Variants in RBFOX1 observed in about 807,000 individuals in gnomAD.
RBFOX1 encodes the protein RNA binding fox-1 homolog 1.
Under a neutral mutation model 57.7 loss-of-function variants are expected in RBFOX1, and 8 were observed. The observed-to-expected ratio is 0.14, with a 90% CI of 0.08 to 0.25. The LOEUF (loss-of-function observed/expected upper bound fraction) is 0.25. RBFOX1 is among the 10% of genes least tolerant of loss of function. The pLI is 1.00. For missense variants in RBFOX1, 611 were observed against 548.5 expected, an observed-to-expected ratio of 1.11 and a Z score of -1.14; for synonymous variants, 326 against 222.4, an observed-to-expected ratio of 1.47 and a Z score of -4.15.
At chr16:7,373,133 C>T (rs72771110) in intron 4 of RBFOX1, among the ~76,000 whole-genome samples, 56,835 of 151,686 alleles carry the variant, frequency 0.37, 11,301 homozygotes, top group East Asian at 0.48. Flanking sequence ...GGTGTTTCAC[C>T]GTGTTAGCCA....
intron 2 of RBFOX1, among the ~76,000 whole-genome samples, chr16:6,495,275 T>C (rs1016222369): frequency 1.3e-5 from 2 of 152,192 alleles, no homozygotes; most frequent in African/African-American, 2.4e-5. Flanking sequence ...CCCGCCACCA[T>C]GCCTGGCTAA....
At chr16:6,485,665 G>T (rs1354494435) in intron 2 of RBFOX1, among the ~76,000 whole-genome samples, 1 of 152,100 alleles carries the variant, frequency 6.6e-6, no homozygotes, top group Non-Finnish European at 1.5e-5. Context: ...TTTTAACCAA[G>T]CAACTAGACT....
rs144057199 is a variant in RBFOX1, at chr16:5,630,316, G to A, written c.318+31355G>A. On this transcript the variant is annotated intron_variant, in intron 3 of 19. Transcript: ENST00000641259. ...TACTAAAAATACAAAAATTAGCCAG[G>A]CATTGTGGCACATGTCTGTAATCCC... is the stretch of plus-strand genomic sequence containing the variant. 5.5e-3 allele frequency among the ~76,000 whole-genome samples: 831 copies of A among 152,194 alleles called. 3 individuals are homozygous for A. Among genetic ancestry groups the A allele is most frequent in the Middle Eastern group, 0.01 (3 of 294 alleles).
intron 1 of RBFOX1, among the ~76,000 whole-genome samples, chr16:5,464,993 G>A (rs1038568069): frequency 4.6e-5 from 7 of 152,186 alleles, no homozygotes; most frequent in Non-Finnish European, 7.3e-5. Context: ...TGGAGACTGG[G>A]AGGAGAGGAC....
chr16:5,597,547 C>A (rs1160630117), intron 2 of RBFOX1, among the ~76,000 whole-genome samples: 1 of 151,740 alleles, frequency 6.6e-6, no homozygotes, highest in Admixed American at 6.6e-5. Flanking sequence ...TTACAGGTGC[C>A]CGCCACCACA....
At chr16:5,330,843 G>A (rs745667274) in intron 1 of RBFOX1, among the ~76,000 whole-genome samples, 1 of 152,076 alleles carries the variant, frequency 6.6e-6, no homozygotes, top group Non-Finnish European at 1.5e-5. Flanking sequence ...CAAGGTGGAG[G>A]CTGCTAAAAA....
rs904867033 is a variant in RBFOX1 at position 5,947,263 on chromosome 16, G to A, written c.351+79928G>A. On this transcript the variant is annotated intron_variant, in intron 4 of 19. Coordinates refer to the RBFOX1 transcript ENST00000641259. This position sits in a 1 kb window ranked among gnomAD's most constrained non-coding sequence, Gnocchi z 7.2. Reference sequence around the variant, plus strand: ...AAGGCTACTAAGGCTGGAGAGCACAGTGGGTAAGGAGGAGGTGGCCAAGCT... The same window carrying A: ...AAGGCTACTAAGGCTGGAGAGCACAATGGGTAAGGAGGAGGTGGCCAAGCT... Among the ~76,000 whole-genome samples, 5 of 152,150 alleles carry A rather than the reference G, an allele frequency of 3.3e-5. No individual in the cohort carries two copies. The highest frequency in any genetic ancestry group is 4.8e-5 in the African/African-American group (2 of 41,432).
rs953825204 is a variant in RBFOX1, at chr16:5,381,103, G to C, written c.220-86113G>C. On this transcript the variant is annotated intron_variant, in intron 1 of 2. Coordinates refer to the RBFOX1 transcript ENST00000585867. Reference sequence around the variant, plus strand: ...GTGAAATAGATACGCCACTGGAGAGGACAGGATGCTGAAGGAGGAAGAGGG... The same window carrying C: ...GTGAAATAGATACGCCACTGGAGAGCACAGGATGCTGAAGGAGGAAGAGGG... Among the ~76,000 whole-genome samples, 8 of 152,330 alleles carry C rather than the reference G, an allele frequency of 5.3e-5. No individual in the cohort carries two copies. The Middle Eastern group carries it at 0.01, about 194-fold the overall frequency.
chr16:6,915,960 A>G (rs768304245), intron 3 of RBFOX1, among the ~76,000 whole-genome samples: 2 of 152,118 alleles, frequency 1.3e-5, no homozygotes, highest in Non-Finnish European at 2.9e-5. Context: ...AAACCAAAGT[A>G]CAAGGCAGAA....
At chr16:6,392,261 G>C (rs1237394835) in intron 2 of RBFOX1, among the ~76,000 whole-genome samples, 2 of 152,208 alleles carry the variant, frequency 1.3e-5, no homozygotes, top group Non-Finnish European at 2.9e-5. Context: ...TTTAACTGAA[G>C]ACACTGCGTC....
At chr16:6,823,244 TG>T (rs2091616702) in intron 3 of RBFOX1, among the ~76,000 whole-genome samples, 1 of 151,890 alleles carries the variant, frequency 6.6e-6, no homozygotes, top group East Asian at 1.9e-4. Flanking sequence ...GAAATTGTTT[TG>T]TTTTCTTTTT....
At chr16:5,557,986 C>G (rs2045743493) in intron 2 of RBFOX1, among the ~76,000 whole-genome samples, 1 of 152,116 alleles carries the variant, frequency 6.6e-6, no homozygotes, top group African/African-American at 2.4e-5. Flanking sequence ...GGGAGTTCAG[C>G]TGGTGGTGGT....
At chr16:6,455,686 G>C (rs764930081) in intron 2 of RBFOX1, among the ~76,000 whole-genome samples, 1 of 152,168 alleles carries the variant, frequency 6.6e-6, no homozygotes, top group Admixed American at 6.5e-5. Flanking sequence ...TTTTAATCAA[G>C]TGTTAATGGT....
intron 4 of RBFOX1, among the ~76,000 whole-genome samples, chr16:7,384,494 G>A (rs1433335350): frequency 6.6e-6 from 1 of 152,140 alleles, no homozygotes; most frequent in Non-Finnish European, 1.5e-5. Context: ...GCCAAACATA[G>A]CTGAGTTTGA....
intron 3 of RBFOX1, among the ~76,000 whole-genome samples, chr16:6,739,559 C>A (rs1482252013): frequency 6.9e-6 from 1 of 145,964 alleles, no homozygotes; most frequent in Non-Finnish European, 1.5e-5. Flanking sequence ...CATTTAACAC[C>A]AATTCTTCAA....
intron 3 of RBFOX1, among the ~76,000 whole-genome samples, chr16:6,836,732 T>C (rs571188980): frequency 6.6e-6 from 1 of 152,348 alleles, no homozygotes; most frequent in African/African-American, 2.4e-5. Flanking sequence ...CATAGTTCTT[T>C]GCATTTATTT....
chr16:6,578,906 G>C (rs2097489763), intron 2 of RBFOX1, among the ~76,000 whole-genome samples: 2 of 152,046 alleles, frequency 1.3e-5, no homozygotes, highest in South Asian at 4.2e-4. Flanking sequence ...GGAGTGGGGT[G>C]AGGGTAAAAG....
chr16:5,326,677 C>T (rs1024259750), intron 1 of RBFOX1, among the ~76,000 whole-genome samples: 5 of 152,160 alleles, frequency 3.3e-5, no homozygotes, highest in Admixed American at 6.5e-5. Context: ...AGAGGTTATC[C>T]GTTCCAATTA....
At chr16:5,410,941 G>T (rs1022081576) in intron 1 of RBFOX1, among the ~76,000 whole-genome samples, 5 of 152,208 alleles carry the variant, frequency 3.3e-5, no homozygotes, top group African/African-American at 1.2e-4. Context: ...TCTAACTGGG[G>T]ATCATGAAAG....
Sources: allele counts gnomAD v4.1 joint callset (sites outside exome capture counted in the v4.1 genomes callset), GRCh38; gene constraint gnomAD v4.1.1; non-coding constraint Gnocchi (gnomAD v3.1); transcripts MANE v1.5; gene names NCBI Gene and HGNC (gene_info 2026-07-23, HGNC 2026-07-21).